Variants in NRXN3 observed in about 807,000 individuals in gnomAD.
NRXN3 encodes the protein neurexin III.
NRXN3 carries 32 observed loss-of-function variants against 137.6 expected under a neutral mutation model. The observed-to-expected ratio is 0.23, with a 90% CI of 0.18 to 0.31. The LOEUF is 0.31. Among genes scored for constraint, NRXN3 ranks in the 10% least tolerant of loss-of-function variants. The pLI is 1.00. For missense variants in NRXN3, 1,574 were observed against 2,062.5 expected (o/e 0.76, Z 4.59); for synonymous variants, 798 against 784.5 (o/e 1.02, Z -0.29).
intron 4 of NRXN3, among the ~76,000 whole-genome samples, chr14:78,417,311 G>A (rs916710228): frequency 1.3e-5 from 2 of 152,172 alleles, no homozygotes; most frequent in Non-Finnish European, 2.9e-5. Context: ...ATGTCCTTCT[G>A]TCTGCCTGAG....
chr14:79,810,619 A>G lies in NRXN3; in HGVS notation c.4093+5429A>G, dbSNP rs188938194. On this transcript the variant is annotated intron_variant, in intron 20 of 20. Transcript: ENST00000335750. Reference sequence around the variant, plus strand: ...TCCTCTTTGTTAGCCCTACTATAATATACAACCCAAGCTGAGTGAAATTTA... The same window carrying G: ...TCCTCTTTGTTAGCCCTACTATAATGTACAACCCAAGCTGAGTGAAATTTA... Among the ~76,000 whole-genome samples, 21 of 152,294 alleles carry G rather than the reference A, an allele frequency of 1.4e-4. No homozygotes were observed. In the East Asian group the frequency reaches 3.9e-3, roughly 28 times the overall value.
intron 1 of NRXN3, among the ~76,000 whole-genome samples, chr14:78,170,952 C>CTTTTTTTTTTTTTTTTTTTTTT (rs545853025): frequency 7.9e-6 from 1 of 126,212 alleles, no homozygotes; most frequent in Non-Finnish European, 1.6e-5. Flanking sequence ...TCTTCTTCTT[C>CTTTTTTTTTTTTTTTTTTTTTT]TTTTTTTTTT....
intron 16 of NRXN3, among the ~76,000 whole-genome samples, chr14:79,613,633 A>T (rs978620080): frequency 6.6e-6 from 1 of 152,190 alleles, no homozygotes; most frequent in Non-Finnish European, 1.5e-5. Context: ...ATGTGACCCA[A>T]ATACTACCAA....
chr14:78,170,678 A>C lies in NRXN3; in HGVS notation c.-704+4A>C, dbSNP rs2058635976. ...AATCTTCTGTTCAACTGGAAAGGTA[A>C]GGTTTGCGGGGAAAGGAAGGCAGTC... On this transcript the variant is annotated splice_donor_region_variant and intron_variant, in intron 1 of 20. Transcript: ENST00000335750. 6.6e-6 allele frequency: 1 copy of C among 152,244 alleles called. No individual in the cohort carries two copies. Among genetic ancestry groups the C allele is most frequent in the South Asian group, 2.1e-4 (1 of 4,824 alleles). The allele number at this position is 152,244 out of a possible 1,614,324, so 9.4% of individuals were successfully genotyped here.
chr14:79,080,309 A>G (rs555574239), intron 15 of NRXN3, among the ~76,000 whole-genome samples: 1 of 152,302 alleles, frequency 6.6e-6, no homozygotes, highest in South Asian at 2.1e-4. Context: ...AATAATAAAC[A>G]CTGGGCAGAA....
intron 16 of NRXN3, among the ~76,000 whole-genome samples, chr14:79,613,895 C>T (rs942929180): frequency 9.2e-5 from 14 of 152,342 alleles, no homozygotes; most frequent in Admixed American, 2.0e-4. Flanking sequence ...TCTACCACAC[C>T]GCAGTGCGGT....
intron 19 of NRXN3, among the ~76,000 whole-genome samples, chr14:79,783,388 C>G (rs1325541513): frequency 6.6e-6 from 1 of 152,146 alleles, no homozygotes; most frequent in Non-Finnish European, 1.5e-5. Context: ...TTTTATGAAT[C>G]AGGTGAGCAT....
chr14:79,853,656 C>T (rs2099396541), intron 20 of NRXN3: 1 of 1,314,272 alleles, frequency 7.6e-7, no homozygotes, highest in African/African-American at 1.5e-5. Context: ...TAGATATGAC[C>T]CTCCCCTTCC....
chr14:79,415,435 G>T (rs1310177099), intron 15 of NRXN3, among the ~76,000 whole-genome samples: 2 of 152,020 alleles, frequency 1.3e-5, no homozygotes, highest in Non-Finnish European at 2.9e-5. Context: ...TCTTAAAGAT[G>T]ATTTAAAGTA....
chr14:78,632,213 A>AT (rs1304655289), intron 4 of NRXN3, among the ~76,000 whole-genome samples: 3 of 151,614 alleles, frequency 2.0e-5, no homozygotes, highest in Admixed American at 2.0e-4. Flanking sequence ...AATTCCCATG[A>AT]TTTTTTTCCT....
chr14:78,606,287 A>G (rs1398041608), intron 4 of NRXN3, among the ~76,000 whole-genome samples: 1 of 152,260 alleles, frequency 6.6e-6, no homozygotes, highest in Non-Finnish European at 1.5e-5. Flanking sequence ...CTCTGTAGTC[A>G]TATGGCAAGG....
intron 20 of NRXN3, among the ~76,000 whole-genome samples, chr14:79,827,600 C>T (rs1202494222): frequency 2.6e-5 from 4 of 151,588 alleles, no homozygotes; most frequent in South Asian, 4.2e-4. Flanking sequence ...TGGGGAGCCT[C>T]GGGGAAACTA....
At chr14:78,337,029 TA>T (rs1311560476) in intron 4 of NRXN3, among the ~76,000 whole-genome samples, 3 of 152,338 alleles carry the variant, frequency 2.0e-5, no homozygotes, top group Admixed American at 1.3e-4. Context: ...GAATTTAGTC[TA>T]AGCCCCTTTC....
chr14:78,489,478 G>A (rs1187936374), intron 4 of NRXN3, among the ~76,000 whole-genome samples: 4 of 151,998 alleles, frequency 2.6e-5, no homozygotes, highest in African/African-American at 9.7e-5. Flanking sequence ...ATGCAGCTAG[G>A]GACGCACACA....
At chr14:78,941,967 C>A (rs1204462133) in intron 10 of NRXN3, among the ~76,000 whole-genome samples, 3 of 152,110 alleles carry the variant, frequency 2.0e-5, no homozygotes, top group Non-Finnish European at 4.4e-5. Flanking sequence ...CTTGGAAAAT[C>A]TGAAAAAACT....
At chr14:79,380,249 AG>A (rs1403287033) in intron 15 of NRXN3, among the ~76,000 whole-genome samples, 1 of 148,622 alleles carries the variant, frequency 6.7e-6, no homozygotes, top group African/African-American at 2.5e-5. Context: ...CACAGTGTGC[AG>A]GTTAGTTACA....
intron 6 of NRXN3, among the ~76,000 whole-genome samples, chr14:78,692,854 G>T (rs2098185544): frequency 6.7e-6 from 1 of 149,636 alleles, no homozygotes; most frequent in South Asian, 2.1e-4. Flanking sequence ...GCCGAGGTGG[G>T]TGGATCATGT....
intron 4 of NRXN3, among the ~76,000 whole-genome samples, chr14:78,599,231 G>A (rs57388154): frequency 0.019 from 2,915 of 152,290 alleles, 85 homozygotes; most frequent in East Asian, 0.16. Flanking sequence ...GGAAATGAGG[G>A]GAAATAGCAC....
intron 7 of NRXN3, among the ~76,000 whole-genome samples, chr14:78,712,562 T>C (rs1340669879): frequency 6.6e-6 from 1 of 152,208 alleles, no homozygotes; most frequent in Non-Finnish European, 1.5e-5. Flanking sequence ...CTTTAGTTAA[T>C]TAATTAATTA....
Sources: allele counts gnomAD v4.1 joint callset (sites outside exome capture counted in the v4.1 genomes callset), GRCh38; gene constraint gnomAD v4.1.1; transcripts MANE v1.5; gene names NCBI Gene and HGNC (gene_info 2026-07-23, HGNC 2026-07-21).